Variants in DLC1 observed in about 807,000 individuals in gnomAD.
The protein encoded by DLC1 is rho GTPase-activating protein 7.
A neutral mutation model predicts 140.3 loss-of-function variants in DLC1; 54 were observed. That is an observed-to-expected ratio of 0.38 (90% CI 0.31 to 0.48). The LOEUF (loss-of-function observed/expected upper bound fraction) is 0.48. DLC1 is among the 20% of genes least tolerant of loss of function. DLC1 has a pLI of 0.96. For missense variants in DLC1, 2,536 were observed against 1,907.0 expected (o/e 1.33, Z -6.14); for synonymous variants, 986 against 728.1 (o/e 1.35, Z -5.70).
chr8:13,377,185 G>A (rs1044500140), intron 4 of DLC1, among the ~76,000 whole-genome samples: 4 of 152,132 alleles, frequency 2.6e-5, no homozygotes, highest in African/African-American at 4.8e-5. Flanking sequence ...TCTTATTTCT[G>A]TTTGAATTTA....
intron 6 of DLC1, among the ~76,000 whole-genome samples, chr8:13,111,512 T>A (rs1820108487): frequency 1.3e-5 from 2 of 152,128 alleles, no homozygotes; most frequent in Admixed American, 6.5e-5. Flanking sequence ...AGAAGCTGTA[T>A]CAGAACTGAA....
chr8:13,091,204 C>T (rs985184559), intron 14 of DLC1, 114 bp downstream of exon 14: 14 of 824,856 alleles, frequency 1.7e-5, no homozygotes, highest in South Asian at 9.2e-5. Flanking sequence ...CTATTTATAC[C>T]GTCTCCAGCT....
chr8:13,168,908 G>C (rs969609935), intron 5 of DLC1, among the ~76,000 whole-genome samples: 1 of 152,188 alleles, frequency 6.6e-6, no homozygotes, highest in Non-Finnish European at 1.5e-5. Flanking sequence ...TGACCCTGTG[G>C]TTATGACCGT....
chr8:13,104,582 C>T (rs1025077116), intron 7 of DLC1, among the ~76,000 whole-genome samples: 1 of 152,152 alleles, frequency 6.6e-6, no homozygotes, highest in Non-Finnish European at 1.5e-5. Flanking sequence ...CTACGAATTG[C>T]AATTCTACAT....
intron 5 of DLC1, among the ~76,000 whole-genome samples, chr8:13,203,538 G>C (rs866937154): frequency 3.3e-5 from 5 of 152,320 alleles, no homozygotes; most frequent in Middle Eastern, 3.4e-3. Flanking sequence ...CCTGGAGATT[G>C]TGCGCAATCC....
rs1340742457 is a variant in DLC1, at chr8:13,083,950, C to A, written c.*1861G>T. 2 of 152,570 alleles carry A rather than the reference C, an allele frequency of 1.3e-5. No individual in the cohort carries two copies. The highest frequency in any genetic ancestry group is 4.8e-5 in the African/African-American group (2 of 41,444). The allele number at this position is 152,570 out of a possible 1,614,324, so 9.5% of individuals were successfully genotyped here. On this transcript the variant is annotated 3_prime_UTR_variant, in exon 18 of 18. Coordinates refer to ENST00000276297, the MANE Select transcript of DLC1 (RefSeq NM_182643.3). ...ACTTTAAACATTTAATAATAGTGCACTTATTGATTATAATCTGTACAGATA... is the reference window on the plus strand; with the variant it reads ...ACTTTAAACATTTAATAATAGTGCAATTATTGATTATAATCTGTACAGATA...
intron 5 of DLC1, among the ~76,000 whole-genome samples, chr8:13,241,609 C>G (rs570610514): frequency 1.3e-5 from 2 of 152,094 alleles, no homozygotes; most frequent in Non-Finnish European, 2.9e-5. Context: ...TTCTCTGCAC[C>G]CTGCATCCAA....
At chr8:13,181,369 G>A (rs1826026606) in intron 5 of DLC1, among the ~76,000 whole-genome samples, 1 of 149,620 alleles carries the variant, frequency 6.7e-6, no homozygotes, top group African/African-American at 2.5e-5. Context: ...TAAGTTCTAG[G>A]GTATATGTGC....
chr8:13,343,314 T>A (rs1834162667), intron 4 of DLC1, among the ~76,000 whole-genome samples: 1 of 152,176 alleles, frequency 6.6e-6, no homozygotes, highest in Non-Finnish European at 1.5e-5. Context: ...TGGCTCATAG[T>A]CCTGAGACAG....
rs762395391 is a variant in DLC1, at chr8:13,094,959, T to TA, written c.3328-3_3328-2insT. On this transcript the variant is annotated splice_region_variant and splice_polypyrimidine_tract_variant and intron_variant, in intron 11 of 17. Transcript: ENST00000276297. ...CCCCGATTTTCTGAAGAGCCCAACC[T>TA]GTCGGAAGAGCAACACTAAGTGTGG... 43 of 1,614,058 alleles carry TA rather than the reference T, an allele frequency of 2.7e-5. No homozygotes were observed. In the Middle Eastern group the frequency reaches 4.9e-4, roughly 19 times the overall value.
chr8:13,441,566 C>T (rs1446640565), intron 2 of DLC1, among the ~76,000 whole-genome samples: 5 of 151,996 alleles, frequency 3.3e-5, no homozygotes, highest in Admixed American at 1.3e-4. Context: ...ACACCAATAA[C>T]AGACAAACAG....
At chr8:13,127,740 T>C (rs1394778652) in intron 5 of DLC1, among the ~76,000 whole-genome samples, 1 of 152,248 alleles carries the variant, frequency 6.6e-6, no homozygotes, top group Non-Finnish European at 1.5e-5. Flanking sequence ...GGAAAACTTT[T>C]GTCCCTTAAA....
chr8:13,590,263 C>T (rs1352218995), intron 1 of DLC1, among the ~76,000 whole-genome samples: 1 of 151,908 alleles, frequency 6.6e-6, no homozygotes, highest in Non-Finnish European at 1.5e-5. Flanking sequence ...CATTATGAGT[C>T]CTCCCTTTCT....
chr8:13,144,400 T>A (rs557200918), intron 5 of DLC1, among the ~76,000 whole-genome samples: 1 of 152,270 alleles, frequency 6.6e-6, no homozygotes, highest in East Asian at 1.9e-4. Context: ...GCTTCCTTGG[T>A]TCTCCACCTT....
intron 2 of DLC1, among the ~76,000 whole-genome samples, chr8:13,407,010 A>G (rs1837597171): frequency 6.6e-6 from 1 of 152,210 alleles, no homozygotes; most frequent in Non-Finnish European, 1.5e-5. Context: ...CTGCTGTCAA[A>G]GTTTAGATAA....
chr8:13,297,288 A>AAAAAAAAAAAAAAACAAAACAAAAC (rs1317943641), intron 5 of DLC1, among the ~76,000 whole-genome samples: 1 of 141,148 alleles, frequency 7.1e-6, no homozygotes, highest in African/African-American at 2.6e-5. Context: ...ACATTAAAAA[A>AAAAAAAAAAAAAAACAAAACAAAAC]AAAAAAAACT....
At chr8:13,369,040 T>A (rs1347353293) in intron 4 of DLC1, among the ~76,000 whole-genome samples, 1 of 152,176 alleles carries the variant, frequency 6.6e-6, no homozygotes, top group East Asian at 1.9e-4. Flanking sequence ...CAGGCTGGTC[T>A]CAAACTCCTG....
Position 13,099,552 on chromosome 8 carries a change from C to G in DLC1, c.2785G>C (p.Asp929His). Residue 929 changes from aspartate to histidine, a missense_variant, in exon 9 of 18, where the codon GAT (aspartate) becomes CAT (histidine). Asp to His is a moderately conservative substitution (Grantham distance 81). Transcript: ENST00000276297. ...IVNQWSEKFS[D>H]EGDSDSALDS... ...AGGGCTGAGTCCGAATCTCCCTCAT[C>G]AGAAAACTTCTCCGACCACTGATTG... 1 of 1,614,210 alleles carries G rather than the reference C, an allele frequency of 6.2e-7. No homozygotes were observed. The highest frequency in any genetic ancestry group is 8.5e-7 in the Non-Finnish European group (1 of 1,180,040).
chr8:13,471,055 A>G (rs949132760), intron 2 of DLC1, among the ~76,000 whole-genome samples: 1 of 151,978 alleles, frequency 6.6e-6, no homozygotes, highest in Non-Finnish European at 1.5e-5. Flanking sequence ...CAGATACTGC[A>G]TGTTCTCAAT....
Sources: gnomAD v4.1 joint callset for allele counts (sites outside exome capture counted in the v4.1 genomes callset) on GRCh38, gnomAD v4.1.1 for gene constraint, MANE v1.5 for transcripts, NCBI Gene and HGNC (gene_info 2026-07-23, HGNC 2026-07-21) for gene names.